TBX15: variants seen among roughly 807,000 people sequenced by gnomAD.
The protein encoded by TBX15 is T-box transcription factor 15, also known as T-box transcription factor TBX15.
TBX15 carries 18 observed loss-of-function variants against 53.9 expected under a neutral mutation model. The observed-to-expected ratio is 0.33, with a 90% confidence interval of 0.23 to 0.49. The LOEUF (loss-of-function observed/expected upper bound fraction) is 0.49. Ranked by LOEUF, TBX15 falls within the 20% of genes least tolerant of loss-of-function variation. The pLI is 0.98. For missense variants in TBX15, 692 were observed against 749.5 expected (o/e 0.92, Z 0.90); for synonymous variants, 295 against 278.0 (o/e 1.06, Z -0.61).
chr1:118,936,644 C>T (rs1655978432), intron 1 of TBX15, among the ~76,000 whole-genome samples: 1 of 152,122 alleles, frequency 6.6e-6, no homozygotes, highest in South Asian at 2.1e-4. Flanking sequence ...TATAAGCTCA[C>T]AAGAACTAAC....
chr1:118,902,613 A>G (rs1224617005), intron 6 of TBX15, among the ~76,000 whole-genome samples: 1 of 152,184 alleles, frequency 6.6e-6, no homozygotes, highest in Middle Eastern at 3.2e-3. Context: ...GAGATTTGGG[A>G]ATTGTTTCTA....
intron 5 of TBX15, among the ~76,000 whole-genome samples, chr1:118,918,062 C>G (rs1655306678): frequency 6.6e-6 from 1 of 152,176 alleles, no homozygotes; most frequent in Non-Finnish European, 1.5e-5. Context: ...CTCTACTTTG[C>G]ACATAGCTGA....
At chr1:118,963,222 G>A (rs189334916) in intron 1 of TBX15, among the ~76,000 whole-genome samples, 11 of 152,292 alleles carry the variant, frequency 7.2e-5, no homozygotes, top group South Asian at 2.1e-4. Context: ...TGAAGAAAAC[G>A]TGTGTTTTTA....
chr1:118,907,010 A>G (rs958470989), intron 6 of TBX15, among the ~76,000 whole-genome samples: 8 of 152,224 alleles, frequency 5.3e-5, no homozygotes, highest in African/African-American at 1.4e-4. Flanking sequence ...TTTCTAAGTT[A>G]TAGAATTTGA....
At chr1:118,913,765 G>C (rs1655100794) in intron 6 of TBX15, among the ~76,000 whole-genome samples, 2 of 152,166 alleles carry the variant, frequency 1.3e-5, no homozygotes, top group Non-Finnish European at 2.9e-5. Context: ...TCCTGGGAAT[G>C]AGAAATATAT....
At chr1:118,968,644 C>T (rs886952892) in intron 1 of TBX15, among the ~76,000 whole-genome samples, 9 of 152,082 alleles carry the variant, frequency 5.9e-5, no homozygotes, top group Non-Finnish European at 1.5e-5. Context: ...TTTGCCAATG[C>T]TGTTGGGTGA....
At chr1:118,952,280 C>T (rs1286711336) in intron 1 of TBX15, among the ~76,000 whole-genome samples, 4 of 152,110 alleles carry the variant, frequency 2.6e-5, no homozygotes, top group Admixed American at 1.3e-4. Flanking sequence ...ACTGGTAAGG[C>T]TTCCAGTCAA....
intron 1 of TBX15, among the ~76,000 whole-genome samples, chr1:118,984,332 G>A (rs1023359069): frequency 2.0e-5 from 3 of 152,230 alleles, no homozygotes; most frequent in Non-Finnish European, 2.9e-5. Context: ...TCTGGAGGAG[G>A]AAATCCCTCC....
intron 1 of TBX15, among the ~76,000 whole-genome samples, chr1:118,965,558 G>A (rs371858135): frequency 3.9e-5 from 6 of 152,168 alleles, no homozygotes; most frequent in Non-Finnish European, 8.8e-5. Context: ...GACTTCAACT[G>A]TACAACTCTA....
At chr1:118,936,486 G>T (rs1181248816) in intron 1 of TBX15, among the ~76,000 whole-genome samples, 1 of 151,904 alleles carries the variant, frequency 6.6e-6, no homozygotes, top group African/African-American at 2.4e-5. Context: ...AGTTTCTTTG[G>T]TTCACTTGGC....
At chr1:118,925,685 C>T (rs1655572539) in intron 3 of TBX15, among the ~76,000 whole-genome samples, 1 of 152,174 alleles carries the variant, frequency 6.6e-6, no homozygotes, top group South Asian at 2.1e-4. Context: ...CCAAGATCCC[C>T]TAAAACACGC....
chr1:118,921,719 G>A (rs1051313336), intron 5 of TBX15, among the ~76,000 whole-genome samples: 2 of 152,072 alleles, frequency 1.3e-5, no homozygotes, highest in African/African-American at 4.8e-5. Context: ...TCCCTCTATT[G>A]TCTTTTCTTC....
At chr1:118,886,403 C>T (rs1653945976) in intron 7 of TBX15, among the ~76,000 whole-genome samples, 1 of 152,198 alleles carries the variant, frequency 6.6e-6, no homozygotes, top group Non-Finnish European at 1.5e-5. Context: ...ACCTTAGGCA[C>T]ATCACTTACC....
chr1:118,886,188 A>C lies in TBX15; in HGVS notation c.1025-672T>G, dbSNP rs144557217. On this transcript the variant is annotated intron_variant, in intron 7 of 7. Transcript: ENST00000369429. Reference sequence around the variant, plus strand: ...GATTAGAATAAAGCAGGGCTAACCCAAAACAAAATCATTATGAACCAGAGG... The same window carrying C: ...GATTAGAATAAAGCAGGGCTAACCCCAAACAAAATCATTATGAACCAGAGG... 6.1e-3 allele frequency among the ~76,000 whole-genome samples: 931 copies of C among 152,342 alleles called. 13 individuals are homozygous for C. The highest frequency in any genetic ancestry group is 0.021 in the African/African-American group (893 of 41,572).
chr1:118,977,674 C>A (rs1361370293), intron 1 of TBX15, among the ~76,000 whole-genome samples: 5 of 152,198 alleles, frequency 3.3e-5, no homozygotes, highest in Admixed American at 3.3e-4. Context: ...ACACTAGAAA[C>A]CCTCCTAGGT....
chr1:118,894,945 A>T (rs981519243), intron 7 of TBX15, among the ~76,000 whole-genome samples: 1 of 152,156 alleles, frequency 6.6e-6, no homozygotes, highest in Admixed American at 6.6e-5. Flanking sequence ...ATTCTATGTG[A>T]TAAGCCATAC....
intron 7 of TBX15, among the ~76,000 whole-genome samples, chr1:118,897,316 A>G (rs571892704): frequency 3.3e-5 from 5 of 152,280 alleles, no homozygotes; most frequent in African/African-American, 9.6e-5. Flanking sequence ...CCCATTCACT[A>G]TTCATTGGGT....
intron 1 of TBX15, among the ~76,000 whole-genome samples, chr1:118,972,335 G>T (rs1396805650): frequency 2.0e-5 from 3 of 152,058 alleles, no homozygotes; most frequent in Non-Finnish European, 4.4e-5. Flanking sequence ...ATATCAAATT[G>T]CCCTTTTCCT....
At chr1:118,957,474 T>C (rs1450851524) in intron 1 of TBX15, among the ~76,000 whole-genome samples, 1 of 152,244 alleles carries the variant, frequency 6.6e-6, no homozygotes, top group East Asian at 1.9e-4. Flanking sequence ...TGCAATATTT[T>C]ATTTTTTTAA....
Sources: gnomAD v4.1 joint callset for allele counts (sites outside exome capture counted in the v4.1 genomes callset) on GRCh38, gnomAD v4.1.1 for gene constraint, MANE v1.5 for transcripts, NCBI Gene and HGNC (gene_info 2026-07-23, HGNC 2026-07-21) for gene names.